The following NWD1 variants were observed in gnomAD, a reference collection of about 807,000 sequenced individuals.
NWD1 encodes NACHT and WD repeat domain containing 1.
NWD1 carries 129 observed loss-of-function variants against 135.1 expected under a neutral mutation model. The observed-to-expected ratio is 0.96, with a 90% CI of 0.83 to 1.11. The LOEUF (loss-of-function observed/expected upper bound fraction) is 1.11. Ranked by LOEUF, NWD1 falls within the 50% of genes least tolerant of loss-of-function variation. The probability of loss-of-function intolerance (pLI) is 0.00; values close to 1 mark genes in which losing one functional copy is unlikely to be tolerated. For missense variants in NWD1, 1,740 were observed against 1,851.3 expected (o/e 0.94, Z 1.10); for synonymous variants, 773 against 786.0 (o/e 0.98, Z 0.28).
chr19:16,807,054 G>A (rs1970767266), intron 17 of NWD1, among the ~76,000 whole-genome samples: 1 of 151,804 alleles, frequency 6.6e-6, no homozygotes, highest in Admixed American at 6.6e-5. Flanking sequence ...AGGGCACAGT[G>A]GCAGGCGCCT....
chr19:16,724,563 C>T (rs1967253268), intron 2 of NWD1, 100 bp downstream of exon 2: 1 of 152,130 alleles, frequency 6.6e-6, no homozygotes, highest in African/African-American at 2.4e-5. Context: ...AATGTCAGAT[C>T]ATGGCTGGAC....
rs761083141 is a variant in NWD1 at position 16,750,059 on chromosome 19, C to T, written c.1417C>T (p.Leu473=). ...CATCCTCTCAGCTTGCTCGGGGGCA[C>T]TGGGGGTTTTGGACACCTTGCAGCG... The part of the protein sequence containing the change: ...HLILSACSGA[L]GVLDTLQRVL... The change falls in exon 6 of 19, where the codon CTG becomes TTG. Residue 473 remains leucine (L), a synonymous_variant. Coordinates refer to ENST00000524140, the MANE Select transcript of NWD1 (RefSeq NM_001007525.5). 1.9e-6 allele frequency: 3 copies of T among 1,613,872 alleles called. No individual in the cohort carries two copies. The highest frequency in any genetic ancestry group is 1.7e-5 in the Admixed American group (1 of 59,986).
chr19:16,762,297 C>CTTTT (rs71180331), intron 8 of NWD1, among the ~76,000 whole-genome samples, 159 bp downstream of exon 8: 2,910 of 118,056 alleles, frequency 0.025, 170 homozygotes, highest in Non-Finnish European at 0.031. Context: ...CCCCCCACTC[C>CTTTT]TTTTTTTTTT....
chr19:16,737,612 GCCTGAGT>G (rs1411601409), intron 4 of NWD1, among the ~76,000 whole-genome samples: 1 of 151,398 alleles, frequency 6.6e-6, no homozygotes, highest in East Asian at 1.9e-4. Flanking sequence ...GCCCAGGCTG[GCCTGAGT>G]CCTAATTTAT....
chr19:16,765,033 G>A lies in NWD1; in HGVS notation c.2252-1G>A, dbSNP rs756057540. 1 of 1,614,052 alleles carries A rather than the reference G, an allele frequency of 6.2e-7. No individual in the cohort carries two copies. Among genetic ancestry groups the A allele is most frequent in the South Asian group, 1.1e-5 (1 of 91,080 alleles). On this transcript the variant is annotated splice_acceptor_variant, in intron 9 of 18. Coordinates refer to ENST00000524140, the MANE Select transcript of NWD1 (RefSeq NM_001007525.5). LOFTEE classifies it high-confidence loss of function. ...ACATCCTCCCCCCTTCTCTCCCTCA[G>A]GCAGCATGAGCTGGATTTCCTGCCG... is the stretch of plus-strand genomic sequence containing the variant.
chr19:16,775,799 C>T (rs540702025), intron 11 of NWD1, among the ~76,000 whole-genome samples: 27 of 152,144 alleles, frequency 1.8e-4, no homozygotes, highest in Non-Finnish European at 3.2e-4. Flanking sequence ...TCCCAAGTAG[C>T]TGGGATTACA....
intron 3 of NWD1, among the ~76,000 whole-genome samples, chr19:16,735,792 TGGAAGGAAGGAAGGAA>T (rs1216718356): frequency 1.0e-5 from 1 of 96,484 alleles, no homozygotes; most frequent in African/African-American, 3.7e-5. Context: ...ATCATGCCAC[TGGAAGGAAGGAAGGAA>T]GGAAGGAAGG....
In NWD1 at chr19:16,815,384, C is replaced by T. The variant is rs1228408340; in HGVS notation, c.*345C>T. On this transcript the variant is annotated 3_prime_UTR_variant, in exon 19 of 19. Coordinates refer to ENST00000524140, the MANE Select transcript of NWD1 (RefSeq NM_001007525.5). ...GTATGGGGCTCCAGTGAGTTAGCCCCATTTAATCTAGTTAAAGCAAAAAGA... is the reference window on the plus strand; with the variant it reads ...GTATGGGGCTCCAGTGAGTTAGCCCTATTTAATCTAGTTAAAGCAAAAAGA... 3.1e-6 allele frequency: 2 copies of T among 654,408 alleles called. No homozygotes were observed. 40.5% of individuals were successfully genotyped at this position (654,408 alleles called of 1,614,324 possible). A position where few individuals can be genotyped will look rare whatever the true frequency, so the allele number is the denominator to read the frequency against.
chr19:16,750,038 C>G lies in NWD1; in HGVS notation c.1396C>G (p.Leu466Val), dbSNP rs781219768. The G allele has an allele frequency of 1.9e-6, 3 of 1,613,812 alleles. No individual in the cohort carries two copies. In the Admixed American group the frequency reaches 5.0e-5, roughly 27 times the overall value. The change falls in exon 6 of 19, where the codon CTC becomes GTC. Residue 466 changes from leucine (L) to valine (V), a missense_variant. Leu to Val is a conservative substitution (Grantham distance 32, BLOSUM62 1). Coordinates refer to ENST00000524140, the MANE Select transcript of NWD1 (RefSeq NM_001007525.5). ...LNCPPRVHLI[L>V]SACSGALGVL... is the part of the protein sequence containing the mutation. ...CTGCCCCCCGAGGGTGCACCTCATC[C>G]TCTCAGCTTGCTCGGGGGCACTGGG...
intron 14 of NWD1, among the ~76,000 whole-genome samples, chr19:16,792,387 C>T (rs776247698): frequency 1.3e-5 from 2 of 151,612 alleles, no homozygotes; most frequent in Non-Finnish European, 2.9e-5. Context: ...ACTAAAAGTA[C>T]AAAAATTGAC....
chr19:16,738,372 C>A, intron 4 of NWD1: 1 of 292,808 alleles, frequency 3.4e-6, no homozygotes, highest in Admixed American at 3.8e-5. Flanking sequence ...AGTTTGAGAG[C>A]AGCCTGGGCA....
In NWD1 at chr19:16,728,943, CAAA is replaced by C. The variant is rs59881448; in HGVS notation, c.-6-2230_-6-2228del. 8.2e-3 allele frequency among the ~76,000 whole-genome samples: 810 copies of C among 98,710 alleles called. 9 individuals carry two copies. The highest frequency in any genetic ancestry group is 0.023 in the African/African-American group (585 of 25,834). 64.8% of individuals were successfully genotyped at this position (98,710 alleles called of 152,430 possible). A position where few individuals can be genotyped will look rare whatever the true frequency, so the allele number is the denominator to read the frequency against. ...TGGGCAACAGAGCATGACTCCATCT[CAAA>C]AAAAAAAAAAAAAAAAAATAAGTAA... On this transcript the variant is annotated intron_variant, in intron 2 of 18. Coordinates refer to ENST00000524140, the MANE Select transcript of NWD1 (RefSeq NM_001007525.5).
rs569546036 is a variant in NWD1 at position 16,776,949 on chromosome 19, AAAAG to A, written c.2609-2391_2609-2388del. Among the ~76,000 whole-genome samples, 109 of 141,880 alleles carry A rather than the reference AAAAG, an allele frequency of 7.7e-4. 1 individual carries two copies. In the South Asian group the frequency reaches 0.015, roughly 20 times the overall value. 93.1% of individuals were successfully genotyped at this position (141,880 alleles called of 152,430 possible). A position where few individuals can be genotyped will look rare whatever the true frequency, so the allele number is the denominator to read the frequency against. On this transcript the variant is annotated intron_variant, in intron 11 of 18. Coordinates refer to ENST00000524140, the MANE Select transcript of NWD1 (RefSeq NM_001007525.5). ...AGAGTGAGACCCTATCTGAAAAAAA[AAAAG>A]AAGAAGAAAAGGAAGGGAAGGAGAG...
chr19:16,799,317 T>G (rs982568764), intron 16 of NWD1, among the ~76,000 whole-genome samples: 2 of 152,100 alleles, frequency 1.3e-5, no homozygotes, highest in African/African-American at 2.4e-5. Context: ...TGCCTCAGCC[T>G]CCCGAGTAAC....
chr19:16,737,566 GT>G (rs534107837), intron 4 of NWD1, among the ~76,000 whole-genome samples: 2,087 of 139,638 alleles, frequency 0.015, 45 homozygotes, highest in African/African-American at 0.046. Flanking sequence ...CTAGTTTTAA[GT>G]TTTTTTTTTT....
intron 16 of NWD1, among the ~76,000 whole-genome samples, chr19:16,798,468 G>A (rs757270022): frequency 1.4e-4 from 21 of 152,106 alleles, no homozygotes; most frequent in Non-Finnish European, 2.6e-4. Context: ...AAAATTAGCC[G>A]GGCGTCATGG....
At chr19:16,810,214 G>A (rs1970881648) in intron 18 of NWD1, among the ~76,000 whole-genome samples, 1 of 151,932 alleles carries the variant, frequency 6.6e-6, no homozygotes, top group Non-Finnish European at 1.5e-5. Flanking sequence ...GAGGCGGGTG[G>A]ATCACCTGAG....
intron 4 of NWD1, among the ~76,000 whole-genome samples, chr19:16,737,550 C>A (rs1035605347): frequency 6.6e-6 from 1 of 151,260 alleles, no homozygotes; most frequent in African/African-American, 2.4e-5. Flanking sequence ...AGCCAATGCA[C>A]CTGGTCTAGT....
rs545687553 is a variant in NWD1 at position 16,740,382 on chromosome 19, C to T, written c.198+3632C>T. 3.9e-5 allele frequency among the ~76,000 whole-genome samples: 6 copies of T among 152,146 alleles called. No individual in the cohort carries two copies. In the South Asian group the frequency reaches 1.2e-3, roughly 32 times the overall value. Reference sequence around the variant, plus strand: ...ATGGAGTCTCACTCTGTCACCCAGGCTGGGGTGCAGTGGGAACATGTTGGC... The same window carrying T: ...ATGGAGTCTCACTCTGTCACCCAGGTTGGGGTGCAGTGGGAACATGTTGGC... On this transcript the variant is annotated intron_variant, in intron 4 of 18. Coordinates refer to ENST00000524140, the MANE Select transcript of NWD1 (RefSeq NM_001007525.5).
Sources: gnomAD v4.1 joint callset for allele counts (sites outside exome capture counted in the v4.1 genomes callset) on GRCh38, gnomAD v4.1.1 for gene constraint, MANE v1.5 for transcripts, NCBI Gene and HGNC (gene_info 2026-07-23, HGNC 2026-07-21) for gene names.